Variants in RBFOX3 observed in about 807,000 individuals in gnomAD.
The protein encoded by RBFOX3 is RNA binding protein fox-1 homolog 3.
RBFOX3 carries 17 observed loss-of-function variants against 48.7 expected under a neutral mutation model. The ratio of observed to expected loss-of-function variants is 0.35; its 90% CI spans 0.24 to 0.52. RBFOX3 has a LOEUF of 0.52. Ranked by LOEUF, RBFOX3 falls within the 20% of genes least tolerant of loss-of-function variation. The probability of loss-of-function intolerance (pLI) is 0.94; values close to 1 mark genes in which losing one functional copy is unlikely to be tolerated. For synonymous variants in RBFOX3, 212 were observed against 209.5 expected (o/e 1.01, Z -0.10); for missense variants, 382 against 497.5 (o/e 0.77, Z 2.21).
the RBFOX3 span, among the ~76,000 whole-genome samples, chr17:79,630,499 C>G: frequency 6.6e-6 from 1 of 152,112 alleles, no homozygotes; most frequent in Non-Finnish European, 1.5e-5. Context: ...TCTTGACAGT[C>G]CTTTCCAGAT....
At position 79,391,603 on chromosome 17, in the gene RBFOX3, G is replaced by A. The variant is rs762440080; in HGVS notation, c.-174-83779C>T. Among the ~76,000 whole-genome samples the A allele has an allele frequency of 2.0e-5, 3 of 152,200 alleles. No individual in the cohort carries two copies. Among genetic ancestry groups the A allele is most frequent in the Non-Finnish European group, 4.4e-5 (3 of 68,038 alleles). ...TTAGGAATTAGGAATTTAGTTTTAG[G>A]AATGAAGAAATGAGGCCCAGTGAGG... On this transcript the variant is annotated intron_variant, in intron 2 of 14. Coordinates refer to ENST00000693108, the MANE Select transcript of RBFOX3 (RefSeq NM_001350451.2). This position sits in a 1 kb window ranked among gnomAD's most constrained non-coding sequence, Gnocchi z 5.0.
In RBFOX3 at chr17:79,257,412, A is replaced by G. The variant is rs368194538; in HGVS notation, c.-73-21607T>C. On this transcript the variant is annotated intron_variant, in intron 3 of 14. Coordinates refer to ENST00000693108, the MANE Select transcript of RBFOX3 (RefSeq NM_001350451.2). ...CCGAGACCAAAAAGATGCTCTGACT[A>G]GCAGGTGCCCTGAGGAGTCTGCTGC... Among the ~76,000 whole-genome samples, 58 of 152,348 alleles carry G rather than the reference A, an allele frequency of 3.8e-4. No individual in the cohort carries two copies. The East Asian group carries it at 8.3e-3, about 22-fold the overall frequency.
intron 3 of RBFOX3, among the ~76,000 whole-genome samples, chr17:79,305,648 C>T (rs2075993932): frequency 6.6e-6 from 1 of 152,196 alleles, no homozygotes; most frequent in African/African-American, 2.4e-5. Context: ...GCGTCTTCCT[C>T]CCACACAGCC....
At chr17:79,431,193 C>T (rs2068376679) in intron 2 of RBFOX3, among the ~76,000 whole-genome samples, 1 of 152,194 alleles carries the variant, frequency 6.6e-6, no homozygotes, top group Non-Finnish European at 1.5e-5. Context: ...AAACCTTAAA[C>T]ACGCGGTCTG....
intron 1 of RBFOX3, among the ~76,000 whole-genome samples, chr17:79,567,552 C>G (rs2092513565): frequency 6.7e-6 from 1 of 149,882 alleles, no homozygotes; most frequent in South Asian, 2.1e-4. Context: ...TCCATGTTGC[C>G]ATAAATGACA....
intron 2 of RBFOX3, among the ~76,000 whole-genome samples, chr17:79,344,708 C>A (rs539087480): frequency 3.3e-5 from 5 of 152,232 alleles, no homozygotes; most frequent in African/African-American, 1.2e-4. Context: ...GTGCATGCCA[C>A]CATGCCTGGC....
At chr17:79,286,343 C>G (rs978024456) in intron 3 of RBFOX3, among the ~76,000 whole-genome samples, 3 of 152,168 alleles carry the variant, frequency 2.0e-5, no homozygotes, top group African/African-American at 7.2e-5. Flanking sequence ...TCTCCACGCC[C>G]CCGGCTGCCA....
intron 1 of RBFOX3, among the ~76,000 whole-genome samples, chr17:79,595,636 G>A (rs1306442376): frequency 2.0e-5 from 3 of 152,212 alleles, no homozygotes; most frequent in African/African-American, 7.2e-5. Context: ...TGTGGGAAGT[G>A]GCATGCCAGC....
intron 2 of RBFOX3, among the ~76,000 whole-genome samples, chr17:79,371,694 T>C (rs1014187961): frequency 6.6e-6 from 1 of 152,162 alleles, no homozygotes; most frequent in African/African-American, 2.4e-5. Flanking sequence ...CCTCACGCTC[T>C]TTCCTCTTCT....
At chr17:79,369,122 T>C (rs893471047) in intron 2 of RBFOX3, among the ~76,000 whole-genome samples, 3 of 152,140 alleles carry the variant, frequency 2.0e-5, no homozygotes, top group African/African-American at 7.2e-5. Flanking sequence ...CTGCGCCCAG[T>C]GCAGCTGGTG....
chr17:79,646,283 G>A, the RBFOX3 span, among the ~76,000 whole-genome samples: 1 of 152,152 alleles, frequency 6.6e-6, no homozygotes, highest in Non-Finnish European at 1.5e-5. Flanking sequence ...GAAACAGATG[G>A]TACAATGGAA....
intron 4 of RBFOX3, among the ~76,000 whole-genome samples, chr17:79,189,933 G>A (rs1367587186): frequency 6.6e-6 from 1 of 152,232 alleles, no homozygotes; most frequent in African/African-American, 2.4e-5. Context: ...ACTGATGACA[G>A]CCTTTGCTCC....
rs2077256924 is a variant in RBFOX3, at chr17:79,473,178, CAG to C, written c.-175+9274_-175+9275del. 6.6e-6 allele frequency among the ~76,000 whole-genome samples: 1 copy of C among 152,268 alleles called. No homozygotes were observed. The highest frequency in any genetic ancestry group is 1.5e-5 in the Non-Finnish European group (1 of 68,048). On this transcript the variant is annotated intron_variant, in intron 2 of 14. Coordinates refer to ENST00000693108, the MANE Select transcript of RBFOX3 (RefSeq NM_001350451.2). The surrounding 1 kb of genome is among the most constrained non-coding windows in gnomAD (Gnocchi z 4.2). ...CTAAAAGATTCTAAATGCTTAATTT[CAG>C]CTTCTGTACTCAGTTGCAGGGATCA...
intron 4 of RBFOX3, among the ~76,000 whole-genome samples, chr17:79,123,625 G>C (rs1464220073): frequency 8.9e-6 from 1 of 112,920 alleles, no homozygotes; most frequent in Non-Finnish European, 2.0e-5. Flanking sequence ...GTCTCGGTGG[G>C]CGTGCTCGCT....
In RBFOX3 at chr17:79,148,901, G is replaced by A. The variant is rs562285206; in HGVS notation, c.-33-33153C>T. On this transcript the variant is annotated intron_variant, in intron 4 of 14. Transcript: ENST00000693108. ...CTGGCACTGATCAGGTCCTGAGTTT[G>A]TAAGGTCATGGGGGATGGAGGGGGA... Among the ~76,000 whole-genome samples the A allele has an allele frequency of 3.3e-5, 5 of 152,340 alleles. No homozygotes were observed. In the South Asian group the frequency reaches 1.0e-3, roughly 32 times the overall value.
intron 3 of RBFOX3, among the ~76,000 whole-genome samples, chr17:79,274,990 C>T (rs893270324): frequency 6.9e-6 from 1 of 144,934 alleles, no homozygotes; most frequent in Non-Finnish European, 1.5e-5. Flanking sequence ...CACCCCCGTC[C>T]CACCTCCATC....
At chr17:79,308,143 G>C (rs1331797503) in intron 2 of RBFOX3, among the ~76,000 whole-genome samples, 1 of 152,186 alleles carries the variant, frequency 6.6e-6, no homozygotes, top group Non-Finnish European at 1.5e-5. Context: ...GGTCAGGCTG[G>C]AGTTTGGACT....
chr17:79,278,437 G>A (rs982505669), intron 3 of RBFOX3, among the ~76,000 whole-genome samples: 1 of 152,214 alleles, frequency 6.6e-6, no homozygotes, highest in African/African-American at 2.4e-5. Flanking sequence ...CCCAGAGTGG[G>A]GGAGGTTGAA....
At chr17:79,256,892 A>T (rs2148386130) in intron 3 of RBFOX3, among the ~76,000 whole-genome samples, 1 of 152,158 alleles carries the variant, frequency 6.6e-6, no homozygotes, top group South Asian at 2.1e-4. Flanking sequence ...ACTGCACTCC[A>T]GCCTGGGCGA....
Sources: allele counts gnomAD v4.1 joint callset (sites outside exome capture counted in the v4.1 genomes callset), GRCh38; gene constraint gnomAD v4.1.1; non-coding constraint Gnocchi (gnomAD v3.1); transcripts MANE v1.5; gene names NCBI Gene and HGNC (gene_info 2026-07-23, HGNC 2026-07-21).